Variants in MYO16 observed in about 807,000 individuals in gnomAD.
MYO16 encodes the protein myosin XVI.
Under a neutral mutation model 205.3 loss-of-function variants are expected in MYO16, and 94 were observed. The ratio of observed to expected loss-of-function variants is 0.46; its 90% CI spans 0.39 to 0.54. The LOEUF (loss-of-function observed/expected upper bound fraction) is 0.54, where lower values mean the gene tolerates loss of function less well. MYO16 is among the 20% of genes least tolerant of loss of function. The pLI is 0.00. For missense variants in MYO16, 2,315 were observed against 2,387.5 expected (o/e 0.97, Z 0.63); for synonymous variants, 988 against 954.0 (o/e 1.04, Z -0.66).
chr13:108,994,494 A>AT (rs1299623729), intron 21 of MYO16, among the ~76,000 whole-genome samples: 2 of 151,892 alleles, frequency 1.3e-5, no homozygotes, highest in African/African-American at 2.4e-5. Flanking sequence ...TTTGCATGTA[A>AT]TTTTTTTTAA....
At chr13:109,118,280 TGA>T (rs1488880342) in intron 28 of MYO16, among the ~76,000 whole-genome samples, 1 of 152,326 alleles carries the variant, frequency 6.6e-6, no homozygotes, top group Admixed American at 6.5e-5. Context: ...ATGTGCTCCA[TGA>T]GGACAGAGGC....
rs1250481232 is a variant in MYO16, at chr13:108,972,362, A to C, written c.2369+7460A>C. 7.4e-3 allele frequency among the ~76,000 whole-genome samples: 236 copies of C among 31,856 alleles called. 48 individuals are homozygous for C. Among genetic ancestry groups the C allele is most frequent in the African/African-American group, 0.042 (205 of 4,830 alleles). 20.9% of individuals were successfully genotyped at this position (31,856 alleles called of 152,430 possible). On this transcript the variant is annotated intron_variant, in intron 20 of 34. Transcript: ENST00000457511. ...TATATATATATAGCCATATATATAT[A>C]TATATATATATATATATATATATAT... is the stretch of plus-strand genomic sequence containing the variant.
Position 108,791,996 on chromosome 13 carries a change from C to G in MYO16, c.617-1520C>G, listed in dbSNP as rs1380022748. On this transcript the variant is annotated intron_variant, in intron 5 of 34. Transcript: ENST00000457511. The stretch of plus-strand genomic sequence containing the variant: ...GTGGCTGGTTCATAGCAAACACTTG[C>G]TGTGAGGGAGGTATCACCATCATTA... Among the ~76,000 whole-genome samples the G allele has an allele frequency of 2.0e-5, 3 of 152,288 alleles. No individual in the cohort carries two copies. In the East Asian group the frequency reaches 5.8e-4, roughly 29 times the overall value.
chr13:108,934,252 G>C (rs1882382618), intron 16 of MYO16, among the ~76,000 whole-genome samples: 2 of 152,134 alleles, frequency 1.3e-5, no homozygotes, highest in East Asian at 3.9e-4. Flanking sequence ...CCTCACCAAT[G>C]TCTATTGTTT....
chr13:108,767,292 C>G (rs1454308292), intron 4 of MYO16, among the ~76,000 whole-genome samples: 2 of 152,050 alleles, frequency 1.3e-5, no homozygotes, highest in Non-Finnish European at 2.9e-5. Context: ...TTAGTGGAGA[C>G]AAGGTTTCAC....
At chr13:108,748,327 A>T (rs1401591181) in intron 4 of MYO16, among the ~76,000 whole-genome samples, 1 of 152,134 alleles carries the variant, frequency 6.6e-6, no homozygotes, top group Non-Finnish European at 1.5e-5. Flanking sequence ...AGTACAACTT[A>T]TCAAAATGTA....
intron 10 of MYO16, among the ~76,000 whole-genome samples, chr13:108,849,501 C>CTT (rs564969553): frequency 7.1e-6 from 1 of 141,032 alleles, no homozygotes; most frequent in Non-Finnish European, 1.6e-5. Flanking sequence ...AACACACAGT[C>CTT]TTTTTTTTTT....
At chr13:108,817,921 TA>T (rs1181945104) in intron 7 of MYO16, among the ~76,000 whole-genome samples, 1 of 152,148 alleles carries the variant, frequency 6.6e-6, no homozygotes, top group African/African-American at 2.4e-5. Flanking sequence ...AACAGAATCA[TA>T]ATAAAAAATT....
chr13:108,692,766 A>G (rs1882947812), intron 2 of MYO16, among the ~76,000 whole-genome samples: 1 of 152,188 alleles, frequency 6.6e-6, no homozygotes, highest in African/African-American at 2.4e-5. Context: ...AAGGGTAGTG[A>G]TTGAACTAGG....
At chr13:108,908,982 A>AT (rs1379538454) in intron 15 of MYO16, among the ~76,000 whole-genome samples, 12 of 142,080 alleles carry the variant, frequency 8.4e-5, no homozygotes, top group Admixed American at 4.7e-4. Context: ...CAAAAAAAAT[A>AT]AAATAAAATA....
rs528355807 is a variant in MYO16 at position 108,888,430 on chromosome 13, T to C, written c.1612T>C (p.Cys538Arg). 6.2e-7 allele frequency: 1 copy of C among 1,612,394 alleles called. No individual in the cohort carries two copies. Among genetic ancestry groups the C allele is most frequent in the East Asian group, 2.2e-5 (1 of 44,774 alleles). ...CAAACAAATCATAAGACACCTCACC[T>C]GCAGGGCTGGCGCCAGCAGGGCCAC... ...ASKQIIRHLT[C>R]RAGASRATLD... Residue 538 changes from cysteine to arginine, a missense_variant, in exon 14 of 35, where the codon TGC (cysteine) becomes CGC (arginine). Physicochemically the swap from Cys to Arg is radical, Grantham distance 180. This residue lies in a region of MYO16 where 1,213 missense variants were observed against 1,274.4 expected (regional missense o/e 0.95). Transcript: ENST00000457511.
At chr13:109,142,904 T>C (rs942285407) in intron 32 of MYO16, among the ~76,000 whole-genome samples, 2 of 152,134 alleles carry the variant, frequency 1.3e-5, no homozygotes, top group African/African-American at 4.8e-5. Context: ...TTTCATTCTT[T>C]CGTTGCTTCA....
chr13:108,559,717 A>T, the MYO16 span, among the ~76,000 whole-genome samples: 1 of 151,568 alleles, frequency 6.6e-6, no homozygotes, highest in Admixed American at 6.6e-5. Flanking sequence ...TGATCCGCCC[A>T]CCTCAGCCTC....
At chr13:108,899,752 A>C (rs1880616072) in intron 15 of MYO16, among the ~76,000 whole-genome samples, 1 of 152,156 alleles carries the variant, frequency 6.6e-6, no homozygotes, top group Non-Finnish European at 1.5e-5. Flanking sequence ...CTCTAAGTGG[A>C]TAGAAGTTCT....
At chr13:108,504,413 C>A in the MYO16 span, among the ~76,000 whole-genome samples, 6 of 152,088 alleles carry the variant, frequency 3.9e-5, no homozygotes, top group African/African-American at 1.4e-4. Context: ...AGGCGTGAGC[C>A]ACCACGCCCA....
chr13:108,909,817 A>C (rs1465751283), intron 15 of MYO16, among the ~76,000 whole-genome samples, 186 bp from the exon 16 acceptor site: 3 of 152,140 alleles, frequency 2.0e-5, no homozygotes, highest in African/African-American at 4.8e-5. Context: ...CCCTTAAACC[A>C]TGTCTTTTCA....
chr13:108,547,479 T>G, the MYO16 span, among the ~76,000 whole-genome samples: 1 of 152,128 alleles, frequency 6.6e-6, no homozygotes, highest in South Asian at 2.1e-4. Flanking sequence ...ACCAACATGA[T>G]GTCACTGAAC....
chr13:108,884,567 G>C (rs950268173), intron 13 of MYO16, among the ~76,000 whole-genome samples: 2 of 152,162 alleles, frequency 1.3e-5, no homozygotes, highest in African/African-American at 4.8e-5. Flanking sequence ...GCTCAAGGAT[G>C]AGAAAGACGC....
intron 2 of MYO16, among the ~76,000 whole-genome samples, chr13:108,695,828 C>A (rs1883071136): frequency 1.3e-5 from 2 of 152,016 alleles, no homozygotes; most frequent in African/African-American, 4.8e-5. Flanking sequence ...ACTGAGGAAA[C>A]AAAGTAGAAC....
Sources: gnomAD v4.1 joint callset for allele counts (sites outside exome capture counted in the v4.1 genomes callset) on GRCh38, gnomAD v4.1.1 for gene constraint, gnomAD v4.1.1 regional missense constraint, MANE v1.5 for transcripts, NCBI Gene and HGNC (gene_info 2026-07-23, HGNC 2026-07-21) for gene names.